PPM1B: variants seen among roughly 807,000 people sequenced by gnomAD.
The protein encoded by PPM1B is protein phosphatase 1B.
In PPM1B, 22 loss-of-function variants were observed where a neutral mutation model predicts 43.0. That is an observed-to-expected ratio of 0.51 (90% CI 0.37 to 0.73). The LOEUF (loss-of-function observed/expected upper bound fraction) is 0.73. Among genes scored for constraint, PPM1B ranks in the 30% least tolerant of loss-of-function variants. PPM1B has a pLI of 0.00. For synonymous variants in PPM1B, 217 were observed against 197.9 expected, an observed-to-expected ratio of 1.10 and a Z score of -0.81; for missense variants, 632 against 584.2, an observed-to-expected ratio of 1.08 and a Z score of -0.84.
chr2:44,184,034 G>A (rs2104032584), intron 1 of PPM1B, among the ~76,000 whole-genome samples: 1 of 152,344 alleles, frequency 6.6e-6, no homozygotes, highest in South Asian at 2.1e-4. Flanking sequence ...CACTGTGCCT[G>A]GCCTAGTTCT....
intron 5 of PPM1B, among the ~76,000 whole-genome samples, chr2:44,227,865 C>CCCACCA (rs1473357202): frequency 6.6e-6 from 1 of 151,542 alleles, no homozygotes; most frequent in Non-Finnish European, 1.5e-5. Flanking sequence ...CCGCCCCATC[C>CCCACCA]CCACCACCAC....
chr2:44,213,473 G>A (rs1487580046), intron 3 of PPM1B, among the ~76,000 whole-genome samples: 1 of 151,748 alleles, frequency 6.6e-6, no homozygotes, highest in African/African-American at 2.4e-5. Context: ...TATATAGTAG[G>A]CCACAGTAAT....
intron 1 of PPM1B, among the ~76,000 whole-genome samples, chr2:44,185,624 C>A (rs565851966): frequency 1.3e-5 from 2 of 152,134 alleles, no homozygotes; most frequent in Non-Finnish European, 2.9e-5. Context: ...TATCTGGGGT[C>A]TCTCACTTAT....
downstream of PPM1B, among the ~76,000 whole-genome samples, chr2:44,239,538 AT>A (rs1477184612): frequency 6.6e-6 from 1 of 151,922 alleles, no homozygotes; most frequent in Non-Finnish European, 1.5e-5. Flanking sequence ...ATAGTCTCTA[AT>A]TTTTTTAATT....
intron 5 of PPM1B, chr2:44,218,941 C>T: frequency 2.2e-6 from 1 of 449,218 alleles, no homozygotes. Context: ...ATTTTAATAA[C>T]TAGACCTTTC....
chr2:44,186,037 C>G (rs573634479), intron 1 of PPM1B, among the ~76,000 whole-genome samples: 2 of 150,748 alleles, frequency 1.3e-5, no homozygotes, highest in South Asian at 2.2e-4. Context: ...AGTTGTTTTT[C>G]TTTTGCTTCT....
At position 44,240,751 on chromosome 2, in the gene PPM1B, T is replaced by C. The variant is rs1670725998; in HGVS notation, n.1547-3477T>C. Reference sequence around the variant, plus strand: ...AACTCCTTAGCCTACTAGTACCCATTAGCATGAAACAGCGTTTTCTGGGGT... The same window carrying C: ...AACTCCTTAGCCTACTAGTACCCATCAGCATGAAACAGCGTTTTCTGGGGT... On this transcript the variant is annotated intron_variant and non_coding_transcript_variant, in intron 5 of 5. Coordinates refer to the PPM1B transcript ENST00000378540. Among the ~76,000 whole-genome samples the C allele has an allele frequency of 1.4e-5, 2 of 145,338 alleles. 1 individual carries two copies. Among genetic ancestry groups the C allele is most frequent in the Non-Finnish European group, 3.1e-5 (2 of 65,262 alleles).
intron 1 of PPM1B, among the ~76,000 whole-genome samples, chr2:44,194,506 G>A (rs1346970095): frequency 6.6e-6 from 1 of 151,948 alleles, no homozygotes; most frequent in Non-Finnish European, 1.5e-5. Flanking sequence ...GGCGGATCAC[G>A]ATGTCAGGAG....
At chr2:44,190,250 G>T (rs1000777448) in intron 1 of PPM1B, among the ~76,000 whole-genome samples, 4 of 150,966 alleles carry the variant, frequency 2.6e-5, no homozygotes, top group Admixed American at 2.6e-4. Flanking sequence ...CTGCCCCCAG[G>T]TTCAAGCAAG....
At chr2:44,204,807 C>T (rs921390053) in intron 2 of PPM1B, among the ~76,000 whole-genome samples, 25 of 134,536 alleles carry the variant, frequency 1.9e-4, no homozygotes, top group Non-Finnish European at 3.7e-4. Flanking sequence ...TGCAGTGAGC[C>T]GAGATCACGC....
downstream of PPM1B, chr2:44,233,359 G>A (rs1209806898): frequency 6.1e-6 from 6 of 983,622 alleles, no homozygotes; most frequent in South Asian, 4.7e-5. Context: ...CATTGGGCAC[G>A]GTACAGAGTG....
chr2:44,184,436 C>T (rs968433489), intron 1 of PPM1B, among the ~76,000 whole-genome samples: 1 of 152,080 alleles, frequency 6.6e-6, no homozygotes, highest in Non-Finnish European at 1.5e-5. Flanking sequence ...TGTTGGAGTG[C>T]TCAAGAACTT....
intron 1 of PPM1B, among the ~76,000 whole-genome samples, chr2:44,188,307 AAGAAGTCT>A (rs1668224524): frequency 6.6e-6 from 1 of 152,040 alleles, no homozygotes; most frequent in Non-Finnish European, 1.5e-5. Flanking sequence ...GATTTAAAAG[AAGAAGTCT>A]TCTTTGATTT....
intron 5 of PPM1B, among the ~76,000 whole-genome samples, chr2:44,222,683 G>C (rs1412043644): frequency 1.3e-5 from 2 of 152,172 alleles, no homozygotes; most frequent in Non-Finnish European, 2.9e-5. Context: ...GCCAGAATTT[G>C]AATTAGTCTG....
Position 44,217,989 on chromosome 2 carries a change from G to A in PPM1B, c.987G>A (p.Glu329=). 1 of 1,604,990 alleles carries A rather than the reference G, an allele frequency of 6.2e-7. No individual in the cohort carries two copies. The highest frequency in any genetic ancestry group is 1.1e-5 in the South Asian group (1 of 89,068). Residue 329 remains glutamate, a synonymous_variant, in exon 4 of 6, where the codon GAG becomes GAA. Transcript: ENST00000282412. ...CAGAGATTATGGAGAAGTCTGGCGA[G>A]GAAGGAATGCCTGATCTTGCCCATG... ...RVEEIMEKSG[E]EGMPDLAHVM...
At chr2:44,185,690 G>T (rs1318039513) in intron 1 of PPM1B, among the ~76,000 whole-genome samples, 1 of 152,112 alleles carries the variant, frequency 6.6e-6, no homozygotes, top group Non-Finnish European at 1.5e-5. Context: ...TTGCTCTAAT[G>T]TAGAGCTATA....
chr2:44,175,173 GAACCC>G (rs554742558), intron 1 of PPM1B, among the ~76,000 whole-genome samples: 16 of 152,268 alleles, frequency 1.1e-4, no homozygotes, highest in African/African-American at 3.4e-4. Flanking sequence ...AGAATCGCTT[GAACCC>G]AGGAGGTGGA....
At chr2:44,230,257 TGATACA>T (rs1319943424) in intron 5 of PPM1B, 150 bp from the exon 6 acceptor site, 1 of 1,443,400 alleles carries the variant, frequency 6.9e-7, no homozygotes, top group Non-Finnish European at 9.1e-7. Context: ...TTTTATTAAT[TGATACA>T]GGTAAGAATT....
At chr2:44,228,660 A>G (rs1558431470) in intron 5 of PPM1B, among the ~76,000 whole-genome samples, 3 of 152,266 alleles carry the variant, frequency 2.0e-5, no homozygotes, top group Non-Finnish European at 2.9e-5. Flanking sequence ...TATTTTCCCA[A>G]TATTTTAAGA....
Sources: gnomAD v4.1 joint callset for allele counts (sites outside exome capture counted in the v4.1 genomes callset) on GRCh38, gnomAD v4.1.1 for gene constraint, MANE v1.5 for transcripts, NCBI Gene and HGNC (gene_info 2026-07-23, HGNC 2026-07-21) for gene names.